The following KIAA1217 variants were observed in gnomAD, a reference collection of about 807,000 sequenced individuals.
KIAA1217 encodes the protein KIAA1217.
In KIAA1217, 88 loss-of-function variants were observed where a neutral mutation model predicts 163.9. The ratio of observed to expected loss-of-function variants is 0.54; its 90% confidence interval spans 0.45 to 0.64. KIAA1217 has a LOEUF of 0.64. KIAA1217 is among the 30% of genes least tolerant of loss of function. The pLI is 0.00. For synonymous variants in KIAA1217, 903 were observed against 923.1 expected, an observed-to-expected ratio of 0.98 and a Z score of 0.39; for missense variants, 2,372 against 2,475.0, an observed-to-expected ratio of 0.96 and a Z score of 0.88.
intron 1 of KIAA1217, among the ~76,000 whole-genome samples, chr10:23,741,282 G>A (rs1219607724): frequency 2.0e-5 from 3 of 152,082 alleles, no homozygotes; most frequent in African/African-American, 7.2e-5. Context: ...TACACACTCT[G>A]ACAACATTCT....
intron 2 of KIAA1217, among the ~76,000 whole-genome samples, chr10:24,367,447 A>AAT (rs1320948831): frequency 5.3e-5 from 8 of 152,238 alleles, no homozygotes; most frequent in Non-Finnish European, 1.0e-4. Flanking sequence ...CGAAATATTT[A>AAT]ATTTGCTTTC....
chr10:24,439,462 C>T lies in KIAA1217; in HGVS notation c.846+983C>T, dbSNP rs567046080. Among the ~76,000 whole-genome samples the T allele has an allele frequency of 1.3e-5, 2 of 152,330 alleles. 1 individual carries two copies. Among genetic ancestry groups the T allele is most frequent in the South Asian group, 4.1e-4 (2 of 4,830 alleles). On this transcript the variant is annotated intron_variant, in intron 5 of 20. Coordinates refer to ENST00000376454, the MANE Select transcript of KIAA1217 (RefSeq NM_019590.5). ...GTTTTGTTCCTGAGCGAGGCTGTCT[C>T]TGCTTCCTGATAGTACATATTAGTT...
chr10:24,319,951 C>T (rs190926324), intron 2 of KIAA1217, among the ~76,000 whole-genome samples: 5 of 152,106 alleles, frequency 3.3e-5, no homozygotes, highest in Non-Finnish European at 1.5e-5. Context: ...AACTAAAACC[C>T]GCATGAATGA....
intron 3 of KIAA1217, among the ~76,000 whole-genome samples, chr10:24,382,057 GC>G (rs2053385760): frequency 8.0e-6 from 1 of 125,676 alleles, no homozygotes; most frequent in Non-Finnish European, 1.7e-5. Context: ...TTTCTATCTT[GC>G]TTTGCTTTTT....
chr10:24,367,494 A>G (rs1406816014), intron 2 of KIAA1217, among the ~76,000 whole-genome samples: 2 of 152,204 alleles, frequency 1.3e-5, no homozygotes, highest in Non-Finnish European at 2.9e-5. Flanking sequence ...TAATGCAACC[A>G]CAAGCTGGAG....
intron 2 of KIAA1217, among the ~76,000 whole-genome samples, chr10:24,230,391 T>G (rs1358883267): frequency 6.6e-6 from 1 of 152,104 alleles, no homozygotes; most frequent in Non-Finnish European, 1.5e-5. Flanking sequence ...TACGCAAATA[T>G]CTCAGATTTT....
chr10:23,739,576 C>T (rs1838995245), intron 1 of KIAA1217, among the ~76,000 whole-genome samples: 1 of 152,018 alleles, frequency 6.6e-6, no homozygotes, highest in South Asian at 2.1e-4. Context: ...GGGATGAGGT[C>T]CAGTGAAAAG....
intron 2 of KIAA1217, among the ~76,000 whole-genome samples, chr10:24,194,068 T>G (rs905156013): frequency 6.6e-6 from 1 of 151,712 alleles, no homozygotes; most frequent in African/African-American, 2.4e-5. Flanking sequence ...ACACCTGTAA[T>G]CCCAGCTACT....
At chr10:24,268,451 T>C (rs1416639224) in intron 2 of KIAA1217, among the ~76,000 whole-genome samples, 2 of 151,286 alleles carry the variant, frequency 1.3e-5, no homozygotes, top group East Asian at 3.9e-4. Flanking sequence ...AAAAAACACA[T>C]GAAAAAATGC....
chr10:24,063,054 A>G (rs990044620), intron 2 of KIAA1217, among the ~76,000 whole-genome samples: 6 of 151,464 alleles, frequency 4.0e-5, no homozygotes, highest in African/African-American at 1.5e-4. Flanking sequence ...TTGTCAGATG[A>G]GTAGGTTGCA....
At chr10:24,090,496 C>T (rs2061897433) in intron 2 of KIAA1217, among the ~76,000 whole-genome samples, 1 of 151,228 alleles carries the variant, frequency 6.6e-6, no homozygotes, top group South Asian at 2.1e-4. Context: ...TTCTTAAACA[C>T]ATCTCCAAAC....
chr10:23,952,910 C>T (rs1263169022), intron 1 of KIAA1217, among the ~76,000 whole-genome samples: 1 of 152,156 alleles, frequency 6.6e-6, no homozygotes, highest in African/African-American at 2.4e-5. Context: ...AAACATGCTG[C>T]TGAATGTCAG....
chr10:24,062,427 T>C (rs2060763340), intron 2 of KIAA1217, among the ~76,000 whole-genome samples: 1 of 151,616 alleles, frequency 6.6e-6, no homozygotes, highest in South Asian at 2.1e-4. Context: ...CTCAGAATGA[T>C]GGTTTCCAGC....
At chr10:24,073,959 G>A (rs1473728561) in intron 2 of KIAA1217, among the ~76,000 whole-genome samples, 1 of 151,974 alleles carries the variant, frequency 6.6e-6, no homozygotes, top group Non-Finnish European at 1.5e-5. Flanking sequence ...CTCCGATCTG[G>A]GGATACATTG....
chr10:23,922,467 G>A (rs1371953696), intron 1 of KIAA1217, among the ~76,000 whole-genome samples: 1 of 152,224 alleles, frequency 6.6e-6, no homozygotes, highest in Non-Finnish European at 1.5e-5. Context: ...TCAGACCTAA[G>A]TCTGGGTGAC....
At chr10:23,831,307 A>G (rs1298520430) in intron 1 of KIAA1217, among the ~76,000 whole-genome samples, 1 of 152,088 alleles carries the variant, frequency 6.6e-6, no homozygotes, top group Non-Finnish European at 1.5e-5. Context: ...AAAATGGAAA[A>G]CCAAAAAACA....
intron 6 of KIAA1217, among the ~76,000 whole-genome samples, chr10:24,484,224 C>CATATATATAT (rs1170144059): frequency 0.012 from 1,062 of 89,800 alleles, 26 homozygotes; most frequent in East Asian, 0.02. Flanking sequence ...GATAGATATA[C>CATATATATAT]ATATATATAT....
intron 2 of KIAA1217, among the ~76,000 whole-genome samples, chr10:24,376,417 C>A (rs1017982004): frequency 6.6e-6 from 1 of 152,144 alleles, no homozygotes; most frequent in African/African-American, 2.4e-5. Flanking sequence ...ATATGTGGAC[C>A]AGTTTTTGGC....
chr10:24,411,582 T>C (rs1486260312), intron 3 of KIAA1217, among the ~76,000 whole-genome samples: 1 of 152,164 alleles, frequency 6.6e-6, no homozygotes, highest in African/African-American at 2.4e-5. Flanking sequence ...CTCTGGTTTA[T>C]CTATTATGAG....
Sources: allele counts gnomAD v4.1 joint callset (sites outside exome capture counted in the v4.1 genomes callset), GRCh38; gene constraint gnomAD v4.1.1; transcripts MANE v1.5; gene names NCBI Gene and HGNC (gene_info 2026-07-23, HGNC 2026-07-21).